Variants in TBC1D12 observed in about 807,000 individuals in gnomAD.
TBC1D12 encodes the protein TBC1 domain family member 12, also known as TBC1 domain family, member 12.
In TBC1D12, 56 loss-of-function variants were observed where a neutral mutation model predicts 86.7. The observed-to-expected ratio is 0.65, with a 90% CI of 0.52 to 0.81. The LOEUF (loss-of-function observed/expected upper bound fraction) is 0.81. TBC1D12 is among the 30% of genes least tolerant of loss of function. TBC1D12 has a pLI of 0.00. For synonymous variants in TBC1D12, 421 were observed against 411.7 expected (o/e 1.02, Z -0.27); for missense variants, 1,023 against 1,038.8 (o/e 0.98, Z 0.21).
chr10:94,519,916 C>T (rs985193101), intron 9 of TBC1D12, among the ~76,000 whole-genome samples: 1 of 152,230 alleles, frequency 6.6e-6, no homozygotes, highest in Non-Finnish European at 1.5e-5. Context: ...GTCCCTTTTA[C>T]CATGTCCAGC....
intron 1 of TBC1D12, among the ~76,000 whole-genome samples, chr10:94,424,154 G>A (rs747509361): frequency 1.3e-5 from 2 of 152,122 alleles, no homozygotes; most frequent in Admixed American, 1.3e-4. Flanking sequence ...GAGAACTTTG[G>A]TATCTGAGGG....
intron 1 of TBC1D12, 37 bp downstream of exon 1, chr10:94,403,621 G>C: frequency 7.1e-7 from 1 of 1,411,394 alleles, no homozygotes; most frequent in South Asian, 1.6e-5. Flanking sequence ...GGGCGGGTCC[G>C]GGGCCGGGGC....
chr10:94,451,594 T>C (rs1311785254), intron 2 of TBC1D12, among the ~76,000 whole-genome samples: 2 of 152,158 alleles, frequency 1.3e-5, no homozygotes, highest in African/African-American at 4.8e-5. Flanking sequence ...GCTTGGCCTT[T>C]ATCTCCTTGA....
At chr10:94,461,938 C>G (rs1211552585) in intron 2 of TBC1D12, among the ~76,000 whole-genome samples, 1 of 152,154 alleles carries the variant, frequency 6.6e-6, no homozygotes, top group Non-Finnish European at 1.5e-5. Context: ...GATCCTCCCA[C>G]CTTGACCCCC....
intron 11 of TBC1D12, among the ~76,000 whole-genome samples, chr10:94,526,827 G>A (rs1172949268): frequency 6.6e-6 from 1 of 152,102 alleles, no homozygotes; most frequent in East Asian, 1.9e-4. Context: ...CTCCATAGTG[G>A]CTGTACTTTA....
chr10:94,408,159 C>A (rs1425703205), intron 1 of TBC1D12, among the ~76,000 whole-genome samples: 1 of 152,144 alleles, frequency 6.6e-6, no homozygotes. Context: ...AACATAGACA[C>A]TTATCTGTGT....
chr10:94,414,523 A>C (rs777926277), intron 1 of TBC1D12, among the ~76,000 whole-genome samples: 2 of 151,646 alleles, frequency 1.3e-5, no homozygotes, highest in South Asian at 4.2e-4. Flanking sequence ...GTGTCTTTAA[A>C]GTATCTTGTA....
chr10:94,516,747 G>T (rs1180925374), intron 9 of TBC1D12, among the ~76,000 whole-genome samples: 1 of 151,772 alleles, frequency 6.6e-6, no homozygotes, highest in Admixed American at 6.6e-5. Flanking sequence ...TTCTCCTTTA[G>T]CTTTATTGAA....
chr10:94,461,675 C>A (rs1406223597), intron 2 of TBC1D12, among the ~76,000 whole-genome samples: 1 of 152,150 alleles, frequency 6.6e-6, no homozygotes, highest in Non-Finnish European at 1.5e-5. Flanking sequence ...TGTCCACACT[C>A]AGCCTCTATC....
chr10:94,531,144 T>C (rs550843180), intron 11 of TBC1D12, 58 bp from the exon 12 acceptor site: 141 of 1,550,580 alleles, frequency 9.1e-5, no homozygotes, highest in Admixed American at 3.1e-4. Flanking sequence ...AGATGCTTAC[T>C]GAGTAAATGA....
At chr10:94,458,292 C>T (rs1477806763) in intron 2 of TBC1D12, among the ~76,000 whole-genome samples, 4 of 152,104 alleles carry the variant, frequency 2.6e-5, no homozygotes, top group Non-Finnish European at 4.4e-5. Context: ...AGCCCCTCAC[C>T]GCATGATGCT....
chr10:94,464,100 AT>A (rs1471114328), intron 2 of TBC1D12, among the ~76,000 whole-genome samples: 2 of 152,034 alleles, frequency 1.3e-5, no homozygotes, highest in Admixed American at 6.6e-5. Context: ...TTTTGCAGAC[AT>A]TTCTGTTTTC....
At chr10:94,508,945 C>T (rs1054069167) in intron 7 of TBC1D12, 1 of 152,030 alleles carries the variant, frequency 6.6e-6, no homozygotes, top group African/African-American at 2.4e-5. Context: ...GAAACCAAAG[C>T]TGAGGTTTCC....
chr10:94,512,483 ATGTT>A (rs1406629099), intron 9 of TBC1D12, among the ~76,000 whole-genome samples: 1 of 152,190 alleles, frequency 6.6e-6, no homozygotes, highest in Non-Finnish European at 1.5e-5. Flanking sequence ...GTTCATTTCT[ATGTT>A]TGTTTACTCA....
intron 3 of TBC1D12, among the ~76,000 whole-genome samples, chr10:94,481,560 A>G (rs927361522): frequency 1.3e-5 from 2 of 152,214 alleles, no homozygotes; most frequent in Non-Finnish European, 2.9e-5. Context: ...CCTTCATAGA[A>G]TTGAAGAGAG....
chr10:94,530,021 A>G (rs997117741), intron 11 of TBC1D12, among the ~76,000 whole-genome samples: 1 of 152,240 alleles, frequency 6.6e-6, no homozygotes, highest in Non-Finnish European at 1.5e-5. Flanking sequence ...TATTATATAC[A>G]AATCCCAGAG....
chr10:94,432,611 C>G (rs2055233142), intron 1 of TBC1D12, among the ~76,000 whole-genome samples: 1 of 151,990 alleles, frequency 6.6e-6, no homozygotes, highest in African/African-American at 2.4e-5. Context: ...GCTCATATTT[C>G]TTTTATGGAA....
At chr10:94,418,944 G>A (rs1284319499) in intron 1 of TBC1D12, among the ~76,000 whole-genome samples, 3 of 150,328 alleles carry the variant, frequency 2.0e-5, no homozygotes, top group Non-Finnish European at 3.0e-5. Flanking sequence ...GCGCGATCTC[G>A]GCTCACTGCA....
intron 9 of TBC1D12, among the ~76,000 whole-genome samples, chr10:94,521,238 C>CAAAAAAAAAAAAAAAAAA (rs398038539): frequency 6.5e-5 from 8 of 122,744 alleles, no homozygotes; most frequent in South Asian, 2.7e-4. Context: ...AAAAAAAAAA[C>CAAAAAAAAAAAAAAAAAA]AAAAAAAAAA....
Sources: gnomAD v4.1 joint callset for allele counts (sites outside exome capture counted in the v4.1 genomes callset) on GRCh38, gnomAD v4.1.1 for gene constraint, MANE v1.5 for transcripts, NCBI Gene and HGNC (gene_info 2026-07-23, HGNC 2026-07-21) for gene names.